Variants in IMPDH1 observed in about 807,000 individuals in gnomAD.
The protein encoded by IMPDH1 is inosine-5'-monophosphate dehydrogenase 1.
In IMPDH1, 41 loss-of-function variants were observed where a neutral mutation model predicts 73.5. The observed-to-expected ratio is 0.56, with a 90% CI of 0.43 to 0.72. The LOEUF (loss-of-function observed/expected upper bound fraction) is 0.72. Ranked by LOEUF, IMPDH1 falls within the 30% of genes least tolerant of loss-of-function variation. The pLI, the probability that IMPDH1 is intolerant of heterozygous loss-of-function variation, is 0.00. For missense variants in IMPDH1, 645 were observed against 824.8 expected (o/e 0.78, Z 2.67); for synonymous variants, 318 against 334.3 (o/e 0.95, Z 0.53).
At chr7:128,404,375 C>G (rs1318035401) in intron 4 of IMPDH1, among the ~76,000 whole-genome samples, 1 of 152,092 alleles carries the variant, frequency 6.6e-6, no homozygotes, top group African/African-American at 2.4e-5. Context: ...GACACTGGGT[C>G]CCCAGCCAAA....
At chr7:128,404,076 C>G (rs1455979764) in intron 4 of IMPDH1, among the ~76,000 whole-genome samples, 1 of 152,238 alleles carries the variant, frequency 6.6e-6, no homozygotes, top group African/African-American at 2.4e-5. Context: ...TCGCCACACA[C>G]AGCAGACACA....
rs748893918 is a variant in IMPDH1 at position 128,393,024 on chromosome 7, C to T, written c.1783G>A (p.Glu595Lys). 8 of 1,613,426 alleles carry T rather than the reference C, an allele frequency of 5.0e-6. No individual in the cohort carries two copies. Among genetic ancestry groups the T allele is most frequent in the South Asian group, 1.1e-5 (1 of 91,086 alleles). Residue 595 changes from glutamate to lysine, a missense_variant, in exon 17 of 17, where the codon GAA (glutamate) becomes AAA (lysine). Glu to Lys is a moderately conservative substitution (Grantham distance 56). Coordinates refer to ENST00000338791, the MANE Select transcript of IMPDH1 (RefSeq NM_000883.4). ...CGCTGTCCTCAGTACAGCCGCTTTTCGTAACTGTGGGGACAAGGCAAGAGG... is the reference window on the plus strand; with the variant it reads ...CGCTGTCCTCAGTACAGCCGCTTTTTGTAACTGTGGGGACAAGGCAAGAGG... ...EGGVHGLHSY[E>K]KRLY is the part of the protein sequence containing the mutation.
Position 128,396,802 on chromosome 7 carries a change from A to C in IMPDH1, c.1166-107T>G. On this transcript the variant is annotated intron_variant, in intron 11 of 16. Transcript: ENST00000338791. This position sits in a 1 kb window ranked among gnomAD's most constrained non-coding sequence, Gnocchi z 4.0. ...AGCACCCCCCAACCCCCCTACAGTGACCAAAGCCCATCATGCTCCCTGCCA... is the reference window on the plus strand; with the variant it reads ...AGCACCCCCCAACCCCCCTACAGTGCCCAAAGCCCATCATGCTCCCTGCCA... 3 of 1,171,030 alleles carry C rather than the reference A, an allele frequency of 2.6e-6. No homozygotes were observed. In the South Asian group the frequency reaches 3.9e-5, roughly 15 times the overall value. 72.5% of individuals were successfully genotyped at this position (1,171,030 alleles called of 1,614,324 possible).
intron 5 of IMPDH1, among the ~76,000 whole-genome samples, chr7:128,402,048 C>T (rs1798376465): frequency 6.6e-6 from 1 of 152,152 alleles, no homozygotes; most frequent in Non-Finnish European, 1.5e-5. Flanking sequence ...AGAAGGGCCA[C>T]AGCCTTCCTG....
At chr7:128,397,130 G>C (rs1447687582) in intron 10 of IMPDH1, 108 bp from the exon 11 acceptor site, 3 of 733,774 alleles carry the variant, frequency 4.1e-6, no homozygotes, top group African/African-American at 1.8e-5. Context: ...ACTGTTATGA[G>C]AATGCTCTTT....
At chr7:128,403,839 G>C in intron 4 of IMPDH1, 85 bp from the exon 5 acceptor site, 1 of 1,223,706 alleles carries the variant, frequency 8.2e-7, no homozygotes. Context: ...AGGCAGCAGG[G>C]GGGTACAGAA....
At chr7:128,409,198 G>T in intron 3 of IMPDH1, 91 bp downstream of exon 3, 2 of 1,154,474 alleles carry the variant, frequency 1.7e-6, no homozygotes, top group Non-Finnish European at 2.6e-6. Context: ...CCCCAGCATG[G>T]GGGCCTGCGT....
chr7:128,409,679 C>T, intron 1 of IMPDH1, 77 bp downstream of exon 1: 1 of 1,519,490 alleles, frequency 6.6e-7, no homozygotes, highest in South Asian at 1.2e-5. Flanking sequence ...CGCAGCGTCG[C>T]CGGGTTCCCG....
rs962352373 is a variant in IMPDH1 at position 128,398,391 on chromosome 7, C to A, written c.1074+23G>T. ...TGCTGAACCACTCATCCATCTCCCC[C>A]ACCACTCAGGCGGGGGCCTTACCAA... is the stretch of plus-strand genomic sequence containing the variant. On this transcript the variant is annotated intron_variant, in intron 10 of 16. Coordinates refer to ENST00000338791, the MANE Select transcript of IMPDH1 (RefSeq NM_000883.4). The surrounding 1 kb of genome is among the most constrained non-coding windows in gnomAD (Gnocchi z 4.3). 4.4e-6 allele frequency: 7 copies of A among 1,605,442 alleles called. No homozygotes were observed. Among genetic ancestry groups the A allele is most frequent in the Non-Finnish European group, 6.0e-6 (7 of 1,173,532 alleles).
chr7:128,405,008 A>G (rs1312581809), intron 4 of IMPDH1, among the ~76,000 whole-genome samples: 1 of 152,142 alleles, frequency 6.6e-6, no homozygotes, highest in African/African-American at 2.4e-5. Flanking sequence ...CAAGGCAGGG[A>G]TGCTTTTGAC....
rs889295839 is a variant in IMPDH1 at position 128,409,930 on chromosome 7, A to G, written c.-29T>C. The G allele has an allele frequency of 7.5e-7, 1 of 1,334,962 alleles. No homozygotes were observed. Among genetic ancestry groups the G allele is most frequent in the Middle Eastern group, 2.8e-4 (1 of 3,596 alleles). 82.7% of individuals were successfully genotyped at this position (1,334,962 alleles called of 1,614,324 possible). On this transcript the variant is annotated 5_prime_UTR_variant, in exon 1 of 17. Coordinates refer to ENST00000338791, the MANE Select transcript of IMPDH1 (RefSeq NM_000883.4). ...GAGGCCGCAGCTCAGGGCGGGCGGGAGCCTGGAGGCTCCCGGGGCCCCGGC... is the reference window on the plus strand; with the variant it reads ...GAGGCCGCAGCTCAGGGCGGGCGGGGGCCTGGAGGCTCCCGGGGCCCCGGC...
intron 4 of IMPDH1, among the ~76,000 whole-genome samples, chr7:128,404,645 T>C (rs915872314): frequency 1.4e-4 from 21 of 152,134 alleles, no homozygotes; most frequent in Non-Finnish European, 2.5e-4. Context: ...GGGTCATTAA[T>C]CTGCCCTAAG....
intron 7 of IMPDH1, 72 bp downstream of exon 7, chr7:128,400,744 AG>A: frequency 1.5e-6 from 2 of 1,345,688 alleles, no homozygotes; most frequent in South Asian, 1.2e-5. Flanking sequence ...CAGGGCTGGC[AG>A]GGGAGGCTGG....
chr7:128,394,394 C>A lies in IMPDH1; in HGVS notation c.1695-33G>T. 6.2e-7 allele frequency: 1 copy of A among 1,613,658 alleles called. No homozygotes were observed. The highest frequency in any genetic ancestry group is 8.5e-7 in the Non-Finnish European group (1 of 1,179,652). On this transcript the variant is annotated intron_variant, in intron 15 of 16. Coordinates refer to ENST00000338791, the MANE Select transcript of IMPDH1 (RefSeq NM_000883.4). This position sits in a 1 kb window ranked among gnomAD's most constrained non-coding sequence, Gnocchi z 5.5. ...GAAGGTAGGTGGAGCAGATCAGGGC[C>A]ACCAAGGGTGGAGAAGAGCGAGAGA... is the stretch of plus-strand genomic sequence containing the variant.
intron 10 of IMPDH1, among the ~76,000 whole-genome samples, chr7:128,397,602 A>G (rs146168341): frequency 6.6e-6 from 1 of 152,310 alleles, no homozygotes; most frequent in Non-Finnish European, 1.5e-5. Context: ...TCCTAGTTAT[A>G]GAATACAGAT....
intron 7 of IMPDH1, 117 bp from the exon 8 acceptor site, chr7:128,400,656 A>C (rs1317647910): frequency 2.5e-6 from 3 of 1,210,990 alleles, no homozygotes; most frequent in Non-Finnish European, 3.7e-6. Flanking sequence ...CCTCAGTGGG[A>C]TGAGGAGCCA....
chr7:128,408,175 G>A (rs945094199), intron 3 of IMPDH1, among the ~76,000 whole-genome samples: 1 of 152,184 alleles, frequency 6.6e-6, no homozygotes, highest in African/African-American at 2.4e-5. Context: ...GTGGGGATAG[G>A]AAGGCAGGTC....
At position 128,394,803 on chromosome 7, in the gene IMPDH1, G is replaced by A. The variant is rs1157784623; in HGVS notation, c.1550+86C>T. On this transcript the variant is annotated intron_variant, in intron 14 of 16. Coordinates refer to ENST00000338791, the MANE Select transcript of IMPDH1 (RefSeq NM_000883.4). This position sits in a 1 kb window ranked among gnomAD's most constrained non-coding sequence, Gnocchi z 5.5. ...TTCCAGAACCACCATATGGGGACTGGCTGCCATCTGGGGAAGTCGGTGGCA... is the reference window on the plus strand; with the variant it reads ...TTCCAGAACCACCATATGGGGACTGACTGCCATCTGGGGAAGTCGGTGGCA... 6.5e-6 allele frequency: 10 copies of A among 1,530,362 alleles called. No homozygotes were observed. Among genetic ancestry groups the A allele is most frequent in the Non-Finnish European group, 9.0e-6 (10 of 1,111,954 alleles). The allele number at this position is 1,530,362 out of a possible 1,614,324, so 94.8% of individuals were successfully genotyped here. A position where few individuals can be genotyped will look rare whatever the true frequency, so the allele number is the denominator to read the frequency against.
intron 3 of IMPDH1, among the ~76,000 whole-genome samples, chr7:128,408,371 G>A (rs1798913669): frequency 1.3e-5 from 2 of 152,306 alleles, no homozygotes; most frequent in East Asian, 3.9e-4. Flanking sequence ...GCTGGGTCGG[G>A]GGCATAGCCT....
Sources: allele counts gnomAD v4.1 joint callset (sites outside exome capture counted in the v4.1 genomes callset), GRCh38; gene constraint gnomAD v4.1.1; non-coding constraint Gnocchi (gnomAD v3.1); transcripts MANE v1.5; gene names NCBI Gene and HGNC (gene_info 2026-07-23, HGNC 2026-07-21).